TENM3: variants seen among roughly 807,000 people sequenced by gnomAD.
The protein encoded by TENM3 is teneurin transmembrane protein 3, also known as teneurin-3.
Under a neutral mutation model 255.1 loss-of-function variants are expected in TENM3, and 63 were observed. The ratio of observed to expected loss-of-function variants is 0.25; its 90% CI spans 0.20 to 0.30. The LOEUF is 0.30. Among genes scored for constraint, TENM3 ranks in the 10% least tolerant of loss-of-function variants. The pLI is 1.00. For synonymous variants in TENM3, 1,306 were observed against 1,322.3 expected (o/e 0.99, Z 0.27); for missense variants, 2,929 against 3,461.1 (o/e 0.85, Z 3.86).
At position 182,628,724 on chromosome 4, in the gene TENM3, T is replaced by C; in HGVS notation, c.823T>C (p.Ser275Pro). 1 of 1,609,200 alleles carries C rather than the reference T, an allele frequency of 6.2e-7. No individual in the cohort carries two copies. The highest frequency in any genetic ancestry group is 8.5e-7 in the Non-Finnish European group (1 of 1,177,712). Residue 275 changes from serine (S) to proline (P), a missense_variant, in exon 5 of 28, where the codon TCT becomes CCT. Transcript: ENST00000511685. ...TGCAACCCCAGGATACACAATGGCATCTGGCTCTGTTTATTCACCACCTAC... is the reference window on the plus strand; with the variant it reads ...TGCAACCCCAGGATACACAATGGCACCTGGCTCTGTTTATTCACCACCTAC... ...STATPGYTMA[S>P]GSVYSPPTRP...
chr4:182,394,241 A>T (rs750648155), intron 3 of TENM3, among the ~76,000 whole-genome samples: 6 of 152,154 alleles, frequency 3.9e-5, no homozygotes, highest in Non-Finnish European at 7.4e-5. Flanking sequence ...CCTAGGGAAG[A>T]AATCTGAGAA....
At chr4:182,448,105 T>G (rs926277673) in intron 3 of TENM3, among the ~76,000 whole-genome samples, 1 of 152,208 alleles carries the variant, frequency 6.6e-6, no homozygotes, top group African/African-American at 2.4e-5. Flanking sequence ...CTTGCACACA[T>G]GCCTTCAGCC....
intron 3 of TENM3, among the ~76,000 whole-genome samples, chr4:182,585,487 C>A (rs1426789899): frequency 1.3e-5 from 2 of 152,148 alleles, no homozygotes; most frequent in Non-Finnish European, 2.9e-5. Flanking sequence ...TAAGAAGAGA[C>A]ACCAGAGGGC....
At chr4:181,554,564 A>T in the TENM3 span, among the ~76,000 whole-genome samples, 1 of 152,206 alleles carries the variant, frequency 6.6e-6, no homozygotes, top group Non-Finnish European at 1.5e-5. Flanking sequence ...AAATGTTGTC[A>T]TTGTGTGGCT....
chr4:182,393,800 G>A (rs1030935458), intron 3 of TENM3, among the ~76,000 whole-genome samples: 4 of 152,122 alleles, frequency 2.6e-5, no homozygotes, highest in Admixed American at 1.3e-4. Context: ...AGGATTGCTG[G>A]CATGTTCATC....
intron 3 of TENM3, among the ~76,000 whole-genome samples, chr4:182,590,750 G>A (rs376070173): frequency 7.0e-6 from 1 of 143,276 alleles, no homozygotes. Context: ...AACTACTCGG[G>A]GGGCAGGAGA....
chr4:182,396,642 G>A (rs990983875), intron 3 of TENM3, among the ~76,000 whole-genome samples: 3 of 152,110 alleles, frequency 2.0e-5, no homozygotes, highest in Admixed American at 6.6e-5. Context: ...TTTGAATCAA[G>A]CCAGGTTGGG....
At chr4:181,999,736 G>A in the TENM3 span, among the ~76,000 whole-genome samples, 51 of 152,086 alleles carry the variant, frequency 3.4e-4, no homozygotes, top group South Asian at 8.1e-3. Context: ...AGTTTCATTC[G>A]CAACAAAATC....
chr4:182,686,437 G>C (rs980379464), intron 11 of TENM3, among the ~76,000 whole-genome samples: 4 of 152,034 alleles, frequency 2.6e-5, no homozygotes, highest in African/African-American at 9.7e-5. Context: ...TTTACAAGCA[G>C]TATAATTCTG....
chr4:182,692,881 C>T (rs1172529162), intron 12 of TENM3, among the ~76,000 whole-genome samples: 2 of 151,914 alleles, frequency 1.3e-5, no homozygotes. Context: ...CATCCGTTAT[C>T]CTAAAAGATC....
chr4:181,619,070 T>C, the TENM3 span, among the ~76,000 whole-genome samples: 3 of 152,158 alleles, frequency 2.0e-5, no homozygotes, highest in African/African-American at 4.8e-5. Context: ...CCAGCAGAGA[T>C]TGAAGCAGGA....
the TENM3 span, among the ~76,000 whole-genome samples, chr4:181,503,931 G>A: frequency 6.6e-6 from 1 of 152,178 alleles, no homozygotes; most frequent in Non-Finnish European, 1.5e-5. Context: ...GTGTCTCCAA[G>A]CAGTGTAGTA....
chr4:182,767,744 C>A (rs773653981), intron 22 of TENM3, among the ~76,000 whole-genome samples: 1 of 152,174 alleles, frequency 6.6e-6, no homozygotes, highest in Non-Finnish European at 1.5e-5. Context: ...TGAAAGCAAA[C>A]CCGTGTAACC....
At chr4:182,370,523 G>A (rs77431293) in intron 3 of TENM3, among the ~76,000 whole-genome samples, 3 of 152,162 alleles carry the variant, frequency 2.0e-5, no homozygotes, top group Admixed American at 2.0e-4. Flanking sequence ...TAAAAGATAA[G>A]TCGGTTTTAA....
Position 182,600,931 on chromosome 4 carries a change from T to C in TENM3, c.519T>C (p.Pro173=), listed in dbSNP as rs1581065861. 1.2e-6 allele frequency: 1 copy of C among 863,276 alleles called. No homozygotes were observed. The highest frequency in any genetic ancestry group is 3.3e-5 in the East Asian group (1 of 29,904). 53.5% of individuals were successfully genotyped at this position (863,276 alleles called of 1,614,324 possible). A position where few individuals can be genotyped will look rare whatever the true frequency, so the allele number is the denominator to read the frequency against. ...ENKSDSENEQ[P]ASNQGQSTLQ... ...TTTTTTTTTTTTTTTCAGAGCAACC[T>C]GCAAGCAATCAAGGCCAGTCTACCC... Residue 173 remains proline, a synonymous_variant, in exon 4 of 28, where the codon CCT becomes CCC. Transcript: ENST00000511685.
chr4:182,622,211 T>C (rs1750349997), intron 4 of TENM3, among the ~76,000 whole-genome samples: 1 of 151,212 alleles, frequency 6.6e-6, no homozygotes, highest in Admixed American at 6.6e-5. Flanking sequence ...AATACAGAAA[T>C]TACCTGGCAT....
At chr4:181,982,511 G>A in the TENM3 span, among the ~76,000 whole-genome samples, 1 of 152,118 alleles carries the variant, frequency 6.6e-6, no homozygotes, top group Non-Finnish European at 1.5e-5. Context: ...CTCTCCCTGA[G>A]AGTAACTTAG....
chr4:182,258,443 CA>C (rs944847894), intron 1 of TENM3, among the ~76,000 whole-genome samples: 16 of 152,220 alleles, frequency 1.1e-4, no homozygotes, highest in African/African-American at 3.1e-4. Context: ...TCAGTACATA[CA>C]AACGCTCATT....
the TENM3 span, among the ~76,000 whole-genome samples, chr4:181,972,436 C>CAAAAA: frequency 8.7e-6 from 1 of 115,160 alleles, no homozygotes; most frequent in Non-Finnish European, 1.8e-5. Context: ...CCTCCTTGTC[C>CAAAAA]AAAAAAAAAA....
Sources: allele counts gnomAD v4.1 joint callset (sites outside exome capture counted in the v4.1 genomes callset), GRCh38; gene constraint gnomAD v4.1.1; transcripts MANE v1.5; gene names NCBI Gene and HGNC (gene_info 2026-07-23, HGNC 2026-07-21).